The following TM4SF1 variants were observed in gnomAD, a reference collection of about 807,000 sequenced individuals.
TM4SF1 encodes transmembrane 4 L6 family member 1.
Under a neutral mutation model 24.5 loss-of-function variants are expected in TM4SF1, and 20 were observed. The observed-to-expected ratio is 0.82, with a 90% CI of 0.57 to 1.19. The LOEUF (loss-of-function observed/expected upper bound fraction) is 1.19. TM4SF1 is among the 50% of genes most tolerant of loss of function. The pLI is 0.00. For missense variants in TM4SF1, 258 were observed against 248.1 expected, an observed-to-expected ratio of 1.04 and a Z score of -0.27; for synonymous variants, 107 against 95.4, an observed-to-expected ratio of 1.12 and a Z score of -0.71.
Position 149,375,670 on chromosome 3 carries a change from GA to G in TM4SF1, c.267+9del, listed in dbSNP as rs1316407937. On this transcript the variant is annotated intron_variant, in intron 2 of 4. Coordinates refer to ENST00000305366, the MANE Select transcript of TM4SF1 (RefSeq NM_014220.3). ...GGAGTCATTTTCACCACCAGGGCAGGAGGACCTACCGCACATCGTTTGCCAC... is the reference window on the plus strand; with the variant it reads ...GGAGTCATTTTCACCACCAGGGCAGGGGACCTACCGCACATCGTTTGCCAC... 6.2e-7 allele frequency: 1 copy of G among 1,614,146 alleles called. No homozygotes were observed. The highest frequency in any genetic ancestry group is 1.7e-5 in the Admixed American group (1 of 60,020).
At chr3:149,377,129 A>G in intron 1 of TM4SF1, among the ~76,000 whole-genome samples, 1 of 152,218 alleles carries the variant, frequency 6.6e-6, no homozygotes, top group South Asian at 2.1e-4. Context: ...CTACCTATAG[A>G]GTTTAGCAAA....
chr3:149,376,319 CTT>C (rs1218716489), intron 1 of TM4SF1, among the ~76,000 whole-genome samples: 1 of 152,062 alleles, frequency 6.6e-6, no homozygotes, highest in Non-Finnish European at 1.5e-5. Context: ...TCGAAAGAAA[CTT>C]AAGTGTGATG....
Position 149,369,667 on chromosome 3 carries a change from C to T in TM4SF1, c.*199G>A. The T allele has an allele frequency of 1.6e-6, 1 of 613,664 alleles. No individual in the cohort carries two copies. The highest frequency in any genetic ancestry group is 2.4e-5 in the South Asian group (1 of 41,474). 38.0% of individuals were successfully genotyped at this position (613,664 alleles called of 1,614,324 possible). A position where few individuals can be genotyped will look rare whatever the true frequency, so the allele number is the denominator to read the frequency against. On this transcript the variant is annotated 3_prime_UTR_variant, in exon 5 of 5. Transcript: ENST00000305366. ...CTCATTCCTTAAAAAAAAACAAAAA[C>T]AAATAAACAAACAAAAAAGAAGTTT...
At position 149,369,247 on chromosome 3, in the gene TM4SF1, T is replaced by G. The variant is rs149424019; in HGVS notation, c.*619A>C. On this transcript the variant is annotated 3_prime_UTR_variant, in exon 5 of 5. Transcript: ENST00000305366. ...AAGGCTTTCCATATGTTAGAAAAAT[T>G]TGAATCTCATAGTACTCACAACAAT... 13 of 152,448 alleles carry G rather than the reference T, an allele frequency of 8.5e-5. No individual in the cohort carries two copies. The highest frequency in any genetic ancestry group is 3.1e-4 in the African/African-American group (13 of 41,582). 9.4% of individuals were successfully genotyped at this position (152,448 alleles called of 1,614,324 possible). A position where few individuals can be genotyped will look rare whatever the true frequency, so the allele number is the denominator to read the frequency against.
chr3:149,377,568 C>T lies in TM4SF1; in HGVS notation c.-21G>A, dbSNP rs1187209153. 7 of 1,599,002 alleles carry T rather than the reference C, an allele frequency of 4.4e-6. No homozygotes were observed. Among genetic ancestry groups the T allele is most frequent in the Non-Finnish European group, 6.0e-6 (7 of 1,171,012 alleles). ...CACATGGTGGTCTGCTAGGTTTTCT[C>T]CCCCTTCTCTTTGTCTTCAGCTCAG... On this transcript the variant is annotated 5_prime_UTR_variant, in exon 1 of 5. Transcript: ENST00000305366.
intron 3 of TM4SF1, among the ~76,000 whole-genome samples, chr3:149,374,398 T>A (rs921010388): frequency 1.3e-5 from 2 of 152,202 alleles, no homozygotes; most frequent in East Asian, 3.8e-4. Context: ...TTAATATTAT[T>A]TTTAATCATG....
intron 4 of TM4SF1, 117 bp from the exon 5 acceptor site, chr3:149,369,997 G>T (rs1028645979): frequency 1.5e-6 from 2 of 1,304,964 alleles, no homozygotes; most frequent in Admixed American, 2.6e-5. Flanking sequence ...CTTCAGCAAA[G>T]CTTAGGCCAA....
At position 149,371,817 on chromosome 3, in the gene TM4SF1, A is replaced by G. The variant is rs754870779; in HGVS notation, c.464T>C (p.Ile155Thr). The change falls in exon 4 of 5, where the codon ATT (isoleucine) becomes ACT (threonine). Residue 155 changes from isoleucine to threonine, a missense_variant. Ile to Thr is a moderately conservative substitution (Grantham distance 89, BLOSUM62 -1). Coordinates refer to ENST00000305366, the MANE Select transcript of TM4SF1 (RefSeq NM_014220.3). Reference protein sequence around the residue: ...TWSECTEPKHIVEWNVSLFSI... With the variant: ...TWSECTEPKHTVEWNVSLFSI... ...AAACAGAGATACATTCCATTCCACA[A>G]TGTGCTTGGGTTCAGTGCACTCGGA... 12 of 1,614,100 alleles carry G rather than the reference A, an allele frequency of 7.4e-6. No individual in the cohort carries two copies. The highest frequency in any genetic ancestry group is 1.0e-5 in the Non-Finnish European group (12 of 1,179,998).
intron 3 of TM4SF1, among the ~76,000 whole-genome samples, chr3:149,372,633 CT>C (rs551055791): frequency 4.5e-4 from 68 of 152,212 alleles, no homozygotes; most frequent in African/African-American, 1.5e-3. Flanking sequence ...TAGCTCTTTA[CT>C]TTTTTCTGAG....
chr3:149,376,257 A>G (rs1045451868), intron 1 of TM4SF1, among the ~76,000 whole-genome samples: 1 of 152,256 alleles, frequency 6.6e-6, no homozygotes, highest in African/African-American at 2.4e-5. Context: ...TTTTAACTTA[A>G]CAATATTAAG....
intron 1 of TM4SF1, among the ~76,000 whole-genome samples, chr3:149,376,423 C>A (rs1731954885): frequency 6.6e-6 from 1 of 152,172 alleles, no homozygotes; most frequent in Non-Finnish European, 1.5e-5. Context: ...AATCCCAGCA[C>A]TTTGGGAGGC....
intron 4 of TM4SF1, chr3:149,371,407 C>A: frequency 1.8e-6 from 1 of 567,400 alleles, no homozygotes; most frequent in Non-Finnish European, 3.1e-6. Context: ...AGAGCAGAGG[C>A]AGTGAATTAG....
chr3:149,375,573 A>G lies in TM4SF1; in HGVS notation c.283T>C (p.Leu95=), dbSNP rs771369179. Residue 95 remains leucine (L), a synonymous_variant, in exon 3 of 5, where the codon TTG becomes CTG. Coordinates refer to ENST00000305366, the MANE Select transcript of TM4SF1 (RefSeq NM_014220.3). ...CCTGCAATTCCAATGAGAGCAGCCAATACAGAAGAAAGCATCTAGGGAAAA... is the reference window on the plus strand; with the variant it reads ...CCTGCAATTCCAATGAGAGCAGCCAGTACAGAAGAAAGCATCTAGGGAAAA... ...GKRCAMLSSV[L]AALIGIAGSG... is the part of the protein sequence containing the mutation. 6.2e-6 allele frequency: 10 copies of G among 1,614,118 alleles called. No homozygotes were observed. Among genetic ancestry groups the G allele is most frequent in the Admixed American group, 1.7e-5 (1 of 60,010 alleles).
intron 3 of TM4SF1, among the ~76,000 whole-genome samples, chr3:149,372,709 T>C (rs1181075913): frequency 6.6e-6 from 1 of 152,172 alleles, no homozygotes; most frequent in Non-Finnish European, 1.5e-5. Flanking sequence ...TTGCAACCTC[T>C]ACGTCCCAGG....
intron 3 of TM4SF1, among the ~76,000 whole-genome samples, chr3:149,373,377 G>A (rs888086600): frequency 3.4e-4 from 52 of 152,118 alleles, no homozygotes; most frequent in African/African-American, 1.2e-3. Flanking sequence ...CTTTGCTACA[G>A]AGTATTTGGA....
At chr3:149,374,958 C>T (rs973460002) in intron 3 of TM4SF1, among the ~76,000 whole-genome samples, 2 of 152,164 alleles carry the variant, frequency 1.3e-5, no homozygotes, top group Non-Finnish European at 2.9e-5. Flanking sequence ...ATGCTAACTG[C>T]CACTTTCTGG....
At chr3:149,374,876 T>A (rs1459716798) in intron 3 of TM4SF1, among the ~76,000 whole-genome samples, 1 of 152,192 alleles carries the variant, frequency 6.6e-6, no homozygotes, top group African/African-American at 2.4e-5. Flanking sequence ...GCAATTGTTC[T>A]GGTATAATGT....
chr3:149,375,094 A>T (rs114362326), intron 3 of TM4SF1, among the ~76,000 whole-genome samples: 3 of 152,118 alleles, frequency 2.0e-5, no homozygotes, highest in African/African-American at 7.2e-5. Flanking sequence ...AGCACTCTGT[A>T]TTTGGGAAGC....
At chr3:149,376,570 A>G (rs1456859527) in intron 1 of TM4SF1, among the ~76,000 whole-genome samples, 21 of 152,356 alleles carry the variant, frequency 1.4e-4, no homozygotes, top group Non-Finnish European at 2.9e-5. Context: ...GCCATGCCAT[A>G]ATCAGTGTAT....
Sources: gnomAD v4.1 joint callset for allele counts (sites outside exome capture counted in the v4.1 genomes callset) on GRCh38, gnomAD v4.1.1 for gene constraint, MANE v1.5 for transcripts, NCBI Gene and HGNC (gene_info 2026-07-23, HGNC 2026-07-21) for gene names.